The following CCER1 variants were observed in gnomAD, a reference collection of about 807,000 sequenced individuals.
The protein encoded by CCER1 is coiled-coil domain-containing glutamate-rich protein 1.
For synonymous variants in CCER1, 246 were observed against 213.8 expected (o/e 1.15, Z -1.31); for missense variants, 573 against 524.5 (o/e 1.09, Z -0.90).
Position 90,954,822 on chromosome 12 carries a change from A to T in CCER1, c.-80T>A. The T allele has an allele frequency of 6.8e-7, 1 of 1,473,454 alleles. No individual in the cohort carries two copies. Among genetic ancestry groups the T allele is most frequent in the Non-Finnish European group, 9.0e-7 (1 of 1,108,220 alleles). The allele number at this position is 1,473,454 out of a possible 1,614,324, so 91.3% of individuals were successfully genotyped here. ...TTTTGCCAGGTAGGACGGTCAGAAG[A>T]GCCTCGTCTCGTCAACCTGTCTCTC... On this transcript the variant is annotated 5_prime_UTR_variant, in exon 1 of 1. Transcript: ENST00000358859.
In CCER1 at chr12:90,954,840, T is replaced by C. The variant is rs1446793739; in HGVS notation, c.-98A>G. 2 of 1,467,302 alleles carry C rather than the reference T, an allele frequency of 1.4e-6. No homozygotes were observed. Among genetic ancestry groups the C allele is most frequent in the African/African-American group, 1.4e-5 (1 of 70,308 alleles). The allele number at this position is 1,467,302 out of a possible 1,614,324, so 90.9% of individuals were successfully genotyped here. On this transcript the variant is annotated 5_prime_UTR_variant, in exon 1 of 1. Transcript: ENST00000358859. ...TCAGAAGAGCCTCGTCTCGTCAACC[T>C]GTCTCTCCACGCAGCGCCACGTGTC...
At position 90,954,019 on chromosome 12, in the gene CCER1, C is replaced by T; in HGVS notation, c.724G>A (p.Glu242Lys). ...GNDAPPGGSKETWGLQETLYG... is the reference protein window; with the variant it reads ...GNDAPPGGSKKTWGLQETLYG... Reference sequence around the variant, plus strand: ...AGAGTTTCCTGCAGTCCCCAGGTTTCCTTGCTGCCGCCAGGGGGCGCGTCG... The same window carrying T: ...AGAGTTTCCTGCAGTCCCCAGGTTTTCTTGCTGCCGCCAGGGGGCGCGTCG... The change falls in exon 1 of 1, where the codon GAA (glutamate) becomes AAA (lysine). Residue 242 changes from glutamate (E) to lysine (K), a missense_variant. Coordinates refer to ENST00000358859, the MANE Select transcript of CCER1 (RefSeq NM_152638.4). 1 of 1,614,220 alleles carries T rather than the reference C, an allele frequency of 6.2e-7. No homozygotes were observed. Among genetic ancestry groups the T allele is most frequent in the Non-Finnish European group, 8.5e-7 (1 of 1,180,036 alleles).
Position 90,954,969 on chromosome 12 carries a change from AGGTGT to A in CCER1, c.-232_-228del. The A allele has an allele frequency of 1.2e-6, 1 of 818,698 alleles. No homozygotes were observed. Among genetic ancestry groups the A allele is most frequent in the Non-Finnish European group, 1.9e-6 (1 of 531,894 alleles). The allele number at this position is 818,698 out of a possible 1,614,324, so 50.7% of individuals were successfully genotyped here. The stretch of plus-strand genomic sequence containing the variant: ...CCTTCGCACCTGGGTTGTCTCGCCC[AGGTGT>A]GCTGGGTGGGACTGGGGCTGGGTAA... On this transcript the variant is annotated 5_prime_UTR_variant, in exon 1 of 1. Coordinates refer to ENST00000358859, the MANE Select transcript of CCER1 (RefSeq NM_152638.4).
rs1555214039 is a variant in CCER1 at position 90,954,191 on chromosome 12, T to A, written c.552A>T (p.Arg184=). The A allele has an allele frequency of 6.2e-7, 1 of 1,609,524 alleles. No individual in the cohort carries two copies. The highest frequency in any genetic ancestry group is 8.5e-7 in the Non-Finnish European group (1 of 1,179,918). The part of the protein sequence containing the change: ...KLYEWREPGM[R]APPNTTQFIM... ...TGAATTGGGTGGTGTTGGGCGGCGC[T>A]CGCATGCCAGGCTCTCTCCACTCAT... Residue 184 remains arginine (R), a synonymous_variant, in exon 1 of 1, where the codon CGA becomes CGT. Coordinates refer to ENST00000358859, the MANE Select transcript of CCER1 (RefSeq NM_152638.4).
Position 90,953,854 on chromosome 12 carries a change from C to T in CCER1, c.889G>A (p.Ala297Thr). 1 of 1,605,680 alleles carries T rather than the reference C, an allele frequency of 6.2e-7. No individual in the cohort carries two copies. Among genetic ancestry groups the T allele is most frequent in the Non-Finnish European group, 8.5e-7 (1 of 1,172,396 alleles). ...EEEYDQEVCD[A>T]KEASEEEEEV... ...TCTTCCTCCTCGCTCGCCTCCTTTG[C>T]ATCACACACCTCCTGGTCATACTCC... The change falls in exon 1 of 1, where the codon GCA becomes ACA. Residue 297 changes from alanine to threonine, a missense_variant. Ala to Thr is a moderately conservative substitution (Grantham distance 58, BLOSUM62 0). Coordinates refer to ENST00000358859, the MANE Select transcript of CCER1 (RefSeq NM_152638.4).
chr12:90,953,687 C>G lies in CCER1; in HGVS notation c.1056G>C (p.Gln352His). ...EEEEVLEENE[Q>H]RGEEFHLPLE... ...GAGGCAAGTGAAATTCTTCCCCTCT[C>G]TGCTCGTTCTCCTCCAGGACCTCCT... The change falls in exon 1 of 1, where the codon CAG becomes CAC. Residue 352 changes from glutamine to histidine, a missense_variant. By Grantham distance (24) the Gln-to-His change is conservative. Coordinates refer to ENST00000358859, the MANE Select transcript of CCER1 (RefSeq NM_152638.4). The G allele has an allele frequency of 6.2e-7, 1 of 1,614,096 alleles. No individual in the cohort carries two copies. Among genetic ancestry groups the G allele is most frequent in the East Asian group, 2.2e-5 (1 of 44,858 alleles).
Position 90,954,460 on chromosome 12 carries a change from G to T in CCER1, c.283C>A (p.Pro95Thr). Reference sequence around the variant, plus strand: ...GGGAATTTCCAGAATCCTGGAGGGGGTGGGCGCCAGGGCCCTCCCCAGCAC... The same window carrying T: ...GGGAATTTCCAGAATCCTGGAGGGGTTGGGCGCCAGGGCCCTCCCCAGCAC... Reference protein sequence around the residue: ...WGCWGGPWRPPPPGFWKFPCP... With the variant: ...WGCWGGPWRPTPPGFWKFPCP... Residue 95 changes from proline to threonine, a missense_variant, in exon 1 of 1, where the codon CCC becomes ACC. Physicochemically the swap from Pro to Thr is conservative, Grantham distance 38. Coordinates refer to ENST00000358859, the MANE Select transcript of CCER1 (RefSeq NM_152638.4). The T allele has an allele frequency of 6.2e-7, 1 of 1,609,854 alleles. No individual in the cohort carries two copies. The highest frequency in any genetic ancestry group is 8.5e-7 in the Non-Finnish European group (1 of 1,177,258).
rs1209801540 is a variant in CCER1, at chr12:90,954,348, C to G, written c.395G>C (p.Gly132Ala). ...CSCWSGSWNP[G>A]WVKPPGRKKR... ...CTTCCTGCCTGGGGGCTTCACCCAGCCAGGGTTCCAGGACCCGCTCCAGCA... is the reference window on the plus strand; with the variant it reads ...CTTCCTGCCTGGGGGCTTCACCCAGGCAGGGTTCCAGGACCCGCTCCAGCA... Residue 132 changes from glycine to alanine, a missense_variant, in exon 1 of 1, where the codon GGC becomes GCC. Coordinates refer to ENST00000358859, the MANE Select transcript of CCER1 (RefSeq NM_152638.4). 1 of 1,608,824 alleles carries G rather than the reference C, an allele frequency of 6.2e-7. No homozygotes were observed. The highest frequency in any genetic ancestry group is 1.7e-5 in the Admixed American group (1 of 59,974).
rs1339596322 is a variant in CCER1 at position 90,952,496 on chromosome 12, T to C, written c.*1026A>G. The C allele has an allele frequency of 1.3e-5, 2 of 152,224 alleles. No homozygotes were observed. Among genetic ancestry groups the C allele is most frequent in the African/African-American group, 4.8e-5 (2 of 41,454 alleles). The allele number at this position is 152,224 out of a possible 1,614,324, so 9.4% of individuals were successfully genotyped here. A position where few individuals can be genotyped will look rare whatever the true frequency, so the allele number is the denominator to read the frequency against. ...CTAAAAATGTTTGAACAAAAGCTATTACTTTGAATGATGTATTCTCCATAG... is the reference window on the plus strand; with the variant it reads ...CTAAAAATGTTTGAACAAAAGCTATCACTTTGAATGATGTATTCTCCATAG... On this transcript the variant is annotated 3_prime_UTR_variant, in exon 1 of 1. Transcript: ENST00000358859.
rs904714602 is a variant in CCER1 at position 90,953,638 on chromosome 12, C to T, written c.1105G>A (p.Val369Ile). ...TTCTCTCTCTTTTCTTCAGCCTCTA[C>T]GAAGATTGATAAAGGCATTTCCAGA... Reference protein sequence around the residue: ...LPLEMPLSIFVEAEEKRENFI... With the variant: ...LPLEMPLSIFIEAEEKRENFI... Residue 369 changes from valine to isoleucine, a missense_variant, in exon 1 of 1, where the codon GTA (valine) becomes ATA (isoleucine). Transcript: ENST00000358859. 12 of 1,614,022 alleles carry T rather than the reference C, an allele frequency of 7.4e-6. No homozygotes were observed. The highest frequency in any genetic ancestry group is 3.3e-4 in the Middle Eastern group (2 of 6,084).
In CCER1 at chr12:90,953,718, T is replaced by C; in HGVS notation, c.1025A>G (p.Glu342Gly). 1 of 1,606,042 alleles carries C rather than the reference T, an allele frequency of 6.2e-7. No homozygotes were observed. The highest frequency in any genetic ancestry group is 8.5e-7 in the Non-Finnish European group (1 of 1,172,774). The change falls in exon 1 of 1, where the codon GAG (glutamate) becomes GGG (glycine). Residue 342 changes from glutamate to glycine, a missense_variant. Transcript: ENST00000358859. ...EEELEEEELE[E>G]EEEVLEENEQ... ...GTTCTCCTCCAGGACCTCCTCTTCC[T>C]CTTCCAGCTCCTCCTCTTCCAGCTC...
rs1428545752 is a variant in CCER1, at chr12:90,953,982, A to T, written c.761T>A (p.Val254Glu). 6.2e-7 allele frequency: 1 copy of T among 1,614,212 alleles called. No individual in the cohort carries two copies. Among genetic ancestry groups the T allele is most frequent in the South Asian group, 1.1e-5 (1 of 91,090 alleles). ...WGLQETLYGF[V>E]QNPSLAFSPN... ...ACTGAATGCTAGAGAGGGATTCTGC[A>T]CAAAGCCATACAGAGTTTCCTGCAG... Residue 254 changes from valine to glutamate, a missense_variant, in exon 1 of 1, where the codon GTG (valine) becomes GAG (glutamate). Coordinates refer to ENST00000358859, the MANE Select transcript of CCER1 (RefSeq NM_152638.4).
Position 90,954,218 on chromosome 12 carries a change from C to T in CCER1, c.525G>A (p.Leu175=). Residue 175 remains leucine (L), a synonymous_variant, in exon 1 of 1, where the codon CTG becomes CTA. Coordinates refer to ENST00000358859, the MANE Select transcript of CCER1 (RefSeq NM_152638.4). ...DVSTLPRPVK[L]YEWREPGMRA... Reference sequence around the variant, plus strand: ...GCATGCCAGGCTCTCTCCACTCATACAGCTTGACCGGCCGCGGCAGCGTGC... The same window carrying T: ...GCATGCCAGGCTCTCTCCACTCATATAGCTTGACCGGCCGCGGCAGCGTGC... 6.2e-7 allele frequency: 1 copy of T among 1,608,112 alleles called. No individual in the cohort carries two copies. The highest frequency in any genetic ancestry group is 1.1e-5 in the South Asian group (1 of 91,088).
chr12:90,952,404 A>G lies in CCER1; in HGVS notation c.*1118T>C, dbSNP rs1001102676. ...GCATGTTTAAATTCATCATCTAGGG[A>G]TATTCTGGAAATATGCTATGGATGG... On this transcript the variant is annotated 3_prime_UTR_variant, in exon 1 of 1. Coordinates refer to ENST00000358859, the MANE Select transcript of CCER1 (RefSeq NM_152638.4). The G allele has an allele frequency of 6.6e-6, 1 of 152,330 alleles. No individual in the cohort carries two copies. Among genetic ancestry groups the G allele is most frequent in the Admixed American group, 6.5e-5 (1 of 15,284 alleles). The allele number at this position is 152,330 out of a possible 1,614,324, so 9.4% of individuals were successfully genotyped here.
rs1876504161 is a variant in CCER1, at chr12:90,952,642, A to G, written c.*880T>C. On this transcript the variant is annotated 3_prime_UTR_variant, in exon 1 of 1. Transcript: ENST00000358859. ...CAAAATAAGATATTCCACCCCCAAA[A>G]GGTAGATAATCTTTTTATCTAAAAA... is the stretch of plus-strand genomic sequence containing the variant. The G allele has an allele frequency of 6.6e-6, 1 of 151,812 alleles. No homozygotes were observed. The highest frequency in any genetic ancestry group is 2.4e-5 in the African/African-American group (1 of 41,398). The allele number at this position is 151,812 out of a possible 1,614,324, so 9.4% of individuals were successfully genotyped here.
chr12:90,954,664 C>T lies in CCER1; in HGVS notation c.79G>A (p.Ala27Thr). 1.3e-6 allele frequency: 2 copies of T among 1,599,770 alleles called. No individual in the cohort carries two copies. The highest frequency in any genetic ancestry group is 8.5e-7 in the Non-Finnish European group (1 of 1,174,260). Residue 27 changes from alanine (A) to threonine (T), a missense_variant, in exon 1 of 1, where the codon GCA becomes ACA. Coordinates refer to ENST00000358859, the MANE Select transcript of CCER1 (RefSeq NM_152638.4). The part of the protein sequence containing the change: ...GGGGGCGCGW[A>T]HSASLSSWSS... ...CAGGAGCTCAAGGAGGCCGAGTGTG[C>T]CCAGCCACAGCCACAGCCGCCGCCG...
Position 90,953,366 on chromosome 12 carries a change from C to A in CCER1, c.*156G>T. The A allele has an allele frequency of 1.2e-6, 1 of 825,190 alleles. No homozygotes were observed. Among genetic ancestry groups the A allele is most frequent in the South Asian group, 2.0e-5 (1 of 50,002 alleles). 51.1% of individuals were successfully genotyped at this position (825,190 alleles called of 1,614,324 possible). ...CCACCCACCCATAGTCATACACATA[C>A]GCATCAAATTTTAAACATTTTATAA... is the stretch of plus-strand genomic sequence containing the variant. On this transcript the variant is annotated 3_prime_UTR_variant, in exon 1 of 1. Coordinates refer to ENST00000358859, the MANE Select transcript of CCER1 (RefSeq NM_152638.4).
rs772988715 is a variant in CCER1, at chr12:90,954,697, C to T, written c.46G>A (p.Gly16Ser). ...CAGCCACAGCCGCCGCCGCCACCGC[C>T]GCCCAGGTTCAGAGGGTCTTCCCTT... is the stretch of plus-strand genomic sequence containing the variant. ...DTREDPLNLG[G>S]GGGGGCGCGW... is the part of the protein sequence containing the mutation. The change falls in exon 1 of 1, where the codon GGC becomes AGC. Residue 16 changes from glycine to serine, a missense_variant. Coordinates refer to ENST00000358859, the MANE Select transcript of CCER1 (RefSeq NM_152638.4). The T allele has an allele frequency of 6.4e-7, 1 of 1,569,178 alleles. No homozygotes were observed. Among genetic ancestry groups the T allele is most frequent in the Non-Finnish European group, 8.6e-7 (1 of 1,157,644 alleles).
rs1490133036 is a variant in CCER1 at position 90,953,512 on chromosome 12, T to A, written c.*10A>T. ...AGTTCCATCCCTTTTCTCAATCCCTTTTCTGATGTCTAACAGTTAAAGTCC... is the reference window on the plus strand; with the variant it reads ...AGTTCCATCCCTTTTCTCAATCCCTATTCTGATGTCTAACAGTTAAAGTCC... On this transcript the variant is annotated 3_prime_UTR_variant, in exon 1 of 1. Coordinates refer to ENST00000358859, the MANE Select transcript of CCER1 (RefSeq NM_152638.4). 1 of 1,599,076 alleles carries A rather than the reference T, an allele frequency of 6.3e-7. No individual in the cohort carries two copies. Among genetic ancestry groups the A allele is most frequent in the Non-Finnish European group, 8.5e-7 (1 of 1,173,620 alleles).
Sources: allele counts gnomAD v4.1 joint callset, GRCh38; gene constraint gnomAD v4.1.1; transcripts MANE v1.5; gene names NCBI Gene and HGNC (gene_info 2026-07-23, HGNC 2026-07-21).